Variants in SPRED1 observed in about 807,000 individuals in gnomAD.
SPRED1 encodes sprouty-related, EVH1 domain-containing protein 1.
In SPRED1, 18 loss-of-function variants were observed where a neutral mutation model predicts 52.3. That is an observed-to-expected ratio of 0.34 (90% CI 0.24 to 0.51). The LOEUF (loss-of-function observed/expected upper bound fraction) is 0.51. Among genes scored for constraint, SPRED1 ranks in the 20% least tolerant of loss-of-function variants. The pLI is 0.97. For synonymous variants in SPRED1, 155 were observed against 179.7 expected (o/e 0.86, Z 1.10); for missense variants, 485 against 551.0 (o/e 0.88, Z 1.20).
chr15:38,351,190 T>C lies in SPRED1; in HGVS notation c.861T>C (p.Ser287=). The change falls in exon 7 of 7, where the codon AGT becomes AGC. Residue 287 remains serine (S), a synonymous_variant. Coordinates refer to ENST00000299084, the MANE Select transcript of SPRED1 (RefSeq NM_152594.3). ...GTATTCAGTTTTCTAAACCAGACAG[T>C]AAAAAATCAGACTATCTGTACTCTT... ...DSSIQFSKPD[S]KKSDYLYSCG... 1 of 1,614,062 alleles carries C rather than the reference T, an allele frequency of 6.2e-7. No homozygotes were observed. The highest frequency in any genetic ancestry group is 8.5e-7 in the Non-Finnish European group (1 of 1,180,002).
intron 4 of SPRED1, among the ~76,000 whole-genome samples, chr15:38,333,826 C>CA (rs1417638933): frequency 6.6e-6 from 1 of 152,018 alleles, no homozygotes; most frequent in Non-Finnish European, 1.5e-5. Flanking sequence ...ATTGAAATAG[C>CA]AAAAAATTAG....
At chr15:38,277,517 C>G (rs1334667079) in intron 1 of SPRED1, among the ~76,000 whole-genome samples, 1 of 152,052 alleles carries the variant, frequency 6.6e-6, no homozygotes, top group Admixed American at 6.6e-5. Context: ...ATCCAGTCTG[C>G]CATTGATGGG....
At chr15:38,253,743 C>T (rs1240033435) in intron 1 of SPRED1, among the ~76,000 whole-genome samples, 1 of 151,992 alleles carries the variant, frequency 6.6e-6, no homozygotes, top group Non-Finnish European at 1.5e-5. Flanking sequence ...CTGTAAGATT[C>T]TTGTAAAAAA....
At chr15:38,270,194 AC>A (rs1251633332) in intron 1 of SPRED1, among the ~76,000 whole-genome samples, 1 of 152,212 alleles carries the variant, frequency 6.6e-6, no homozygotes, top group Non-Finnish European at 1.5e-5. Context: ...GGCATGAGCC[AC>A]CATGCCCAGC....
At chr15:38,309,954 T>G (rs1416801285) in intron 2 of SPRED1, among the ~76,000 whole-genome samples, 1 of 152,186 alleles carries the variant, frequency 6.6e-6, no homozygotes, top group Non-Finnish European at 1.5e-5. Flanking sequence ...CCTCCACCAG[T>G]ATCACACACT....
rs1475253524 is a variant in SPRED1 at position 38,267,299 on chromosome 15, A to G, written c.32+14082A>G. The stretch of plus-strand genomic sequence containing the variant: ...GTTTACCTACTTGTTATCTCTTTAA[A>G]GAACACTTTAGGTTTCCAGCTCTTT... On this transcript the variant is annotated intron_variant, in intron 1 of 6. Coordinates refer to ENST00000299084, the MANE Select transcript of SPRED1 (RefSeq NM_152594.3). Among the ~76,000 whole-genome samples the G allele has an allele frequency of 7.2e-5, 11 of 152,192 alleles. 1 individual carries two copies. The highest frequency in any genetic ancestry group is 7.2e-4 in the Admixed American group (11 of 15,278).
intron 2 of SPRED1, among the ~76,000 whole-genome samples, chr15:38,306,695 GC>G (rs1412314114): frequency 1.3e-5 from 2 of 152,272 alleles, no homozygotes; most frequent in Non-Finnish European, 2.9e-5. Flanking sequence ...TTTCCCCGGA[GC>G]CTTGTGGGAA....
chr15:38,307,612 A>C (rs1895275615), intron 2 of SPRED1, among the ~76,000 whole-genome samples: 1 of 152,126 alleles, frequency 6.6e-6, no homozygotes, highest in Admixed American at 6.6e-5. Flanking sequence ...TATGAATTTG[A>C]GGGGAGCACA....
chr15:38,253,348 T>C (rs557505962), intron 1 of SPRED1, 131 bp downstream of exon 1: 61 of 850,898 alleles, frequency 7.2e-5, no homozygotes, highest in Middle Eastern at 6.5e-4. Context: ...CTTCTGGAGA[T>C]AGCTGATTTC....
chr15:38,330,822 G>A (rs1034336108), intron 4 of SPRED1, among the ~76,000 whole-genome samples: 1 of 152,042 alleles, frequency 6.6e-6, no homozygotes, highest in African/African-American at 2.4e-5. Context: ...GCAGTATGTC[G>A]ACTGTGATAT....
chr15:38,272,861 T>C (rs1894467530), intron 1 of SPRED1, among the ~76,000 whole-genome samples: 1 of 152,222 alleles, frequency 6.6e-6, no homozygotes, highest in African/African-American at 2.4e-5. Flanking sequence ...TTTATGTCTT[T>C]TGCCCTTTTT....
chr15:38,337,206 T>C (rs1895941308), intron 4 of SPRED1, among the ~76,000 whole-genome samples: 1 of 152,208 alleles, frequency 6.6e-6, no homozygotes, highest in Non-Finnish European at 1.5e-5. Context: ...TTATCACCAC[T>C]TTTTAAAAAA....
At chr15:38,318,128 T>C (rs1424269729) in intron 2 of SPRED1, among the ~76,000 whole-genome samples, 1 of 152,092 alleles carries the variant, frequency 6.6e-6, no homozygotes, top group Non-Finnish European at 1.5e-5. Context: ...TTACCTTTTT[T>C]CTATTCCACT....
intron 1 of SPRED1, among the ~76,000 whole-genome samples, chr15:38,285,100 C>G (rs541789305): frequency 6.6e-6 from 1 of 151,912 alleles, no homozygotes; most frequent in African/African-American, 2.4e-5. Context: ...CTGACTGCCC[C>G]CTCCTGCTCC....
rs1595707955 is a variant in SPRED1, at chr15:38,253,029, G to C, written c.-157G>C. 1.0e-5 allele frequency: 7 copies of C among 694,290 alleles called. No individual in the cohort carries two copies. Among genetic ancestry groups the C allele is most frequent in the East Asian group, 2.7e-5 (1 of 36,780 alleles). 43.0% of individuals were successfully genotyped at this position (694,290 alleles called of 1,614,324 possible). ...GGTGGCCGGGGTTCCCGGCTGGGGG[G>C]GTACCGTTCTGGGTGAGGCATCCAC... On this transcript the variant is annotated 5_prime_UTR_variant, in exon 1 of 7. Coordinates refer to ENST00000299084, the MANE Select transcript of SPRED1 (RefSeq NM_152594.3).
At chr15:38,340,493 G>A (rs1896005924) in intron 5 of SPRED1, among the ~76,000 whole-genome samples, 1 of 151,838 alleles carries the variant, frequency 6.6e-6, no homozygotes, top group African/African-American at 2.4e-5. Context: ...TTAAGTCTGC[G>A]CTTATAAAAG....
chr15:38,329,569 A>T (rs1895770820), intron 4 of SPRED1, among the ~76,000 whole-genome samples: 1 of 152,126 alleles, frequency 6.6e-6, no homozygotes, highest in African/African-American at 2.4e-5. Context: ...GCCCTGTTGT[A>T]TCTTAGGTTG....
Position 38,336,434 on chromosome 15 carries a change from ATAATATT to A in SPRED1, c.424-3302_424-3296del, listed in dbSNP as rs1217372727. On this transcript the variant is annotated intron_variant, in intron 4 of 6. Transcript: ENST00000299084. ...TGTGTATGTGTGTGTATATATATAT[ATAATATT>A]ATATATATGTTATATATATAATATT... Among the ~76,000 whole-genome samples the A allele has an allele frequency of 8.2e-4, 31 of 37,710 alleles. No homozygotes were observed. In the South Asian group the frequency reaches 0.014, roughly 17 times the overall value. 24.7% of individuals were successfully genotyped at this position (37,710 alleles called of 152,430 possible).
At chr15:38,296,475 G>C (rs957912398) in intron 1 of SPRED1, among the ~76,000 whole-genome samples, 2 of 151,904 alleles carry the variant, frequency 1.3e-5, no homozygotes, top group African/African-American at 4.8e-5. Context: ...AAAACTACAT[G>C]GTCCAATACA....
Sources: allele counts gnomAD v4.1 joint callset (sites outside exome capture counted in the v4.1 genomes callset), GRCh38; gene constraint gnomAD v4.1.1; transcripts MANE v1.5; gene names NCBI Gene and HGNC (gene_info 2026-07-23, HGNC 2026-07-21).